The following SHLD2 variants were observed in gnomAD, a reference collection of about 807,000 sequenced individuals.
The protein encoded by SHLD2 is RINN1-REV7-interacting novel NHEJ regulator 2.
SHLD2 carries 30 observed loss-of-function variants against 73.2 expected under a neutral mutation model. The observed-to-expected ratio is 0.41, with a 90% CI of 0.31 to 0.56. The LOEUF is 0.56. Among genes scored for constraint, SHLD2 ranks in the 20% least tolerant of loss-of-function variants. The pLI, the probability that SHLD2 is intolerant of heterozygous loss-of-function variation, is 0.28. For missense variants in SHLD2, 745 were observed against 1,055.9 expected (o/e 0.71, Z 4.08); for synonymous variants, 285 against 370.1 (o/e 0.77, Z 2.64).
intron 2 of SHLD2, among the ~76,000 whole-genome samples, chr10:87,130,394 T>C (rs1487281062): frequency 6.8e-6 from 1 of 147,934 alleles, no homozygotes; most frequent in Non-Finnish European, 1.5e-5. Flanking sequence ...TACATATGTG[T>C]TTTCTTAAGG....
chr10:87,110,532 G>A (rs1315916895), intron 2 of SHLD2, among the ~76,000 whole-genome samples: 1 of 150,040 alleles, frequency 6.7e-6, no homozygotes, highest in Non-Finnish European at 1.5e-5. Flanking sequence ...ACTTGAACCC[G>A]GGAGGCAGAG....
At chr10:87,102,115 G>A (rs111278719) in intron 2 of SHLD2, among the ~76,000 whole-genome samples, 10 of 151,990 alleles carry the variant, frequency 6.6e-5, no homozygotes, top group Non-Finnish European at 1.5e-4. Context: ...TTGCATGGAC[G>A]CACCATAATT....
chr10:87,108,275 C>A (rs756539167), intron 2 of SHLD2, among the ~76,000 whole-genome samples: 14 of 152,164 alleles, frequency 9.2e-5, no homozygotes, highest in Admixed American at 2.0e-4. Context: ...TCTCGAACTC[C>A]GGACCTCAGG....
chr10:87,142,922 CTTTTTT>C (rs71269253), intron 2 of SHLD2, among the ~76,000 whole-genome samples: 53 of 83,170 alleles, frequency 6.4e-4, no homozygotes, highest in African/African-American at 2.7e-3. Context: ...TTTATTTTTA[CTTTTTT>C]TTTTTTTTTT....
intron 8 of SHLD2, among the ~76,000 whole-genome samples, chr10:87,184,475 C>T (rs1848493539): frequency 6.6e-6 from 1 of 152,024 alleles, no homozygotes; most frequent in South Asian, 2.1e-4. Context: ...TGGAATCACT[C>T]AGGCCTCATC....
intron 8 of SHLD2, among the ~76,000 whole-genome samples, chr10:87,185,006 A>ACCCC: frequency 6.6e-6 from 1 of 152,346 alleles, no homozygotes; most frequent in East Asian, 1.9e-4. Flanking sequence ...TGTAGCTATC[A>ACCCC]CCACAACCAG....
chr10:87,163,868 A>T (rs1215418587), intron 4 of SHLD2, among the ~76,000 whole-genome samples: 2 of 151,880 alleles, frequency 1.3e-5, no homozygotes, highest in African/African-American at 4.8e-5. Flanking sequence ...TTGAGCGAGC[A>T]CAGCACAGAT....
intron 2 of SHLD2, chr10:87,115,277 C>T (rs1477005144): frequency 1.3e-5 from 2 of 152,136 alleles, no homozygotes; most frequent in African/African-American, 4.8e-5. Flanking sequence ...TCTCGAACTC[C>T]CGACCTTAGG....
At chr10:87,170,411 ATAT>A (rs1005939500) in intron 4 of SHLD2, 64 bp from the exon 5 acceptor site, 4 of 1,148,226 alleles carry the variant, frequency 3.5e-6, no homozygotes, top group South Asian at 1.7e-5. Flanking sequence ...GTTCTAAAAA[ATAT>A]TATTTGTGAA....
At chr10:87,167,694 G>A (rs1847298200) in intron 4 of SHLD2, among the ~76,000 whole-genome samples, 1 of 152,114 alleles carries the variant, frequency 6.6e-6, no homozygotes, top group East Asian at 1.9e-4. Context: ...ACCCAGGCTG[G>A]AGTGCAGTGG....
At chr10:87,169,172 A>G (rs1847414247) in intron 4 of SHLD2, among the ~76,000 whole-genome samples, 2 of 152,214 alleles carry the variant, frequency 1.3e-5, no homozygotes, top group East Asian at 1.9e-4. Flanking sequence ...TTTGTTCCCC[A>G]AAAGCTCTAT....
intron 8 of SHLD2, among the ~76,000 whole-genome samples, chr10:87,185,376 T>C (rs185969495): frequency 1.1e-3 from 161 of 152,306 alleles, no homozygotes; most frequent in African/African-American, 3.7e-3. Context: ...CTGTGAACAT[T>C]TGTGTACAAG....
chr10:87,119,500 C>T (rs1284687977), intron 2 of SHLD2, among the ~76,000 whole-genome samples: 3 of 152,056 alleles, frequency 2.0e-5, no homozygotes, highest in South Asian at 2.1e-4. Flanking sequence ...CGGTGGCTCA[C>T]GCCTGTAATC....
chr10:87,099,458 AT>A (rs1842124837), intron 2 of SHLD2, among the ~76,000 whole-genome samples: 1 of 152,192 alleles, frequency 6.6e-6, no homozygotes, highest in Non-Finnish European at 1.5e-5. Context: ...TTGGCAGAGT[AT>A]TTTAAAGGTT....
intron 6 of SHLD2, among the ~76,000 whole-genome samples, chr10:87,171,765 C>A (rs1589637157): frequency 6.6e-6 from 1 of 152,194 alleles, no homozygotes; most frequent in East Asian, 1.9e-4. Flanking sequence ...CATTGTCTCT[C>A]TTAATCATTA....
At chr10:87,111,624 G>A (rs961914172) in intron 2 of SHLD2, among the ~76,000 whole-genome samples, 1 of 148,266 alleles carries the variant, frequency 6.7e-6, no homozygotes, top group African/African-American at 2.5e-5. Flanking sequence ...CTGGTTGACA[G>A]GGCAAGAGTC....
intron 2 of SHLD2, among the ~76,000 whole-genome samples, chr10:87,150,429 C>G (rs1322656368): frequency 6.6e-6 from 1 of 151,964 alleles, no homozygotes; most frequent in African/African-American, 2.4e-5. Context: ...CCATTCTTTA[C>G]TAACTTGTTA....
chr10:87,186,906 T>TG (rs1308130660), intron 8 of SHLD2, among the ~76,000 whole-genome samples, 179 bp from the exon 9 acceptor site: 5 of 151,852 alleles, frequency 3.3e-5, no homozygotes. Flanking sequence ...TTGAAGCTCT[T>TG]GGGGAAAAAA....
rs540266790 is a variant in SHLD2 at position 87,122,370 on chromosome 10, G to C, written c.-6+25381G>C. Reference sequence around the variant, plus strand: ...CAAGCTAAATTTAATCAAATATTCTGCCCATTTTAAAATTCACTTCCTAGC... The same window carrying C: ...CAAGCTAAATTTAATCAAATATTCTCCCCATTTTAAAATTCACTTCCTAGC... On this transcript the variant is annotated intron_variant, in intron 2 of 9. Transcript: ENST00000298786. Among the ~76,000 whole-genome samples, 965 of 152,048 alleles carry C rather than the reference G, an allele frequency of 6.3e-3. 8 individuals carry two copies. The highest frequency in any genetic ancestry group is 0.022 in the African/African-American group (913 of 41,484).
Sources: allele counts gnomAD v4.1 joint callset (sites outside exome capture counted in the v4.1 genomes callset), GRCh38; gene constraint gnomAD v4.1.1; transcripts MANE v1.5; gene names NCBI Gene and HGNC (gene_info 2026-07-23, HGNC 2026-07-21).